PIGZ: variants seen among roughly 807,000 people sequenced by gnomAD.
PIGZ encodes phosphatidylinositol glycan anchor biosynthesis class Z (Gwada blood group).
Under a neutral mutation model 16.4 loss-of-function variants are expected in PIGZ, and 16 were observed. The ratio of observed to expected loss-of-function variants is 0.97; its 90% confidence interval spans 0.66 to 1.48. The LOEUF (loss-of-function observed/expected upper bound fraction) is 1.48, where lower values mean the gene tolerates loss of function less well. PIGZ is among the 40% of genes most tolerant of loss of function. The pLI is 0.00. For synonymous variants in PIGZ, 409 were observed against 338.4 expected, an observed-to-expected ratio of 1.21 and a Z score of -2.29; for missense variants, 770 against 739.2, an observed-to-expected ratio of 1.04 and a Z score of -0.48.
intron 1 of PIGZ, among the ~76,000 whole-genome samples, chr3:196,964,044 T>TTTTATTTA (rs565540080): frequency 6.6e-6 from 1 of 151,252 alleles, no homozygotes; most frequent in Non-Finnish European, 1.5e-5. Flanking sequence ...TTATTTTTAT[T>TTTTATTTA]TTTATTTATT....
At position 196,948,447 on chromosome 3, in the gene PIGZ, C is replaced by T. The variant is rs200731284; in HGVS notation, c.450G>A (p.Pro150=). 76 of 1,614,100 alleles carry T rather than the reference C, an allele frequency of 4.7e-5. No individual in the cohort carries two copies. The East Asian group carries it at 1.0e-3, about 22-fold the overall frequency. The part of the protein sequence containing the change: ...LDGAVYHLAP[P]MGADRWNALA... ...GGGCGTTCCAGCGATCCGCCCCCATCGGCGGGGCCAGGTGGTACACGGCCC... is the reference window on the plus strand; with the variant it reads ...GGGCGTTCCAGCGATCCGCCCCCATTGGCGGGGCCAGGTGGTACACGGCCC... The change falls in exon 3 of 3, where the codon CCG becomes CCA. Residue 150 remains proline, a synonymous_variant. Transcript: ENST00000412723.
At position 196,946,791 on chromosome 3, in the gene PIGZ, G is replaced by T. The variant is rs757649190; in HGVS notation, c.*366C>A. On this transcript the variant is annotated 3_prime_UTR_variant, in exon 3 of 3. Coordinates refer to ENST00000412723, the MANE Select transcript of PIGZ (RefSeq NM_025163.4). ...AAGGGTAAGGCATCATGGGAGGTTT[G>T]GGAGAGGTCATTGAGGAATGTCACT... The T allele has an allele frequency of 5.3e-6, 1 of 187,810 alleles. No individual in the cohort carries two copies. Among genetic ancestry groups the T allele is most frequent in the South Asian group, 1.5e-4 (1 of 6,734 alleles). 11.6% of individuals were successfully genotyped at this position (187,810 alleles called of 1,614,324 possible). A position where few individuals can be genotyped will look rare whatever the true frequency, so the allele number is the denominator to read the frequency against.
Position 196,948,106 on chromosome 3 carries a change from C to G in PIGZ, c.791G>C (p.Gly264Ala). 7 of 1,595,238 alleles carry G rather than the reference C, an allele frequency of 4.4e-6. No homozygotes were observed. The highest frequency in any genetic ancestry group is 6.0e-6 in the Non-Finnish European group (7 of 1,168,656). ...LTREALVLLP[G>A]AALTAAVFVA... ...AAACACCGCTGCTGTGAGGGCTGCC[C>G]CAGGGAGCAGCACCAGGGCCTCCCG... Residue 264 changes from glycine (G) to alanine (A), a missense_variant, in exon 3 of 3, where the codon GGG becomes GCG. Transcript: ENST00000412723.
At chr3:196,950,799 C>CA in intron 2 of PIGZ, among the ~76,000 whole-genome samples, 1 of 149,436 alleles carries the variant, frequency 6.7e-6, no homozygotes, top group South Asian at 2.1e-4. Context: ...GGCTGAAGTG[C>CA]AGTGGCACAA....
chr3:196,948,825 C>T (rs1194155399), intron 2 of PIGZ, 140 bp from the exon 3 acceptor site: 1 of 438,564 alleles, frequency 2.3e-6, no homozygotes, highest in East Asian at 3.5e-5. Flanking sequence ...CTGGATTTTT[C>T]CTCCCTTCCC....
In PIGZ at chr3:196,947,747, A is replaced by G. The variant is rs1188710924; in HGVS notation, c.1150T>C (p.Phe384Leu). The change falls in exon 3 of 3, where the codon TTT becomes CTT. Residue 384 changes from phenylalanine to leucine, a missense_variant. Physicochemically the swap from Phe to Leu is conservative, Grantham distance 22. Transcript: ENST00000412723. The part of the protein sequence containing the change: ...YFMPLALLSA[F>L]SHQEARFLIP... ...AGGAACCGAGCCTCCTGGTGGCTAAAGGCAGATAGCAGGGCCAGAGGCATG... is the reference window on the plus strand; with the variant it reads ...AGGAACCGAGCCTCCTGGTGGCTAAGGGCAGATAGCAGGGCCAGAGGCATG... 2 of 1,612,598 alleles carry G rather than the reference A, an allele frequency of 1.2e-6. No homozygotes were observed. Among genetic ancestry groups the G allele is most frequent in the African/African-American group, 1.3e-5 (1 of 74,920 alleles).
chr3:196,948,940 TTCCTTCCCCTCCCCTCCCTTC>T lies in PIGZ; in HGVS notation c.212-276_212-256del, dbSNP rs1717111989. The stretch of plus-strand genomic sequence containing the variant: ...CTTCCCTTCCTTCCCTTTACTTCCC[TTCCTTCCCCTCCCCTCCCTTC>T]CTTCCCTTCCCCTCCCCTCCCTTCC... On this transcript the variant is annotated intron_variant, in intron 2 of 2. Coordinates refer to ENST00000412723, the MANE Select transcript of PIGZ (RefSeq NM_025163.4). Among the ~76,000 whole-genome samples the T allele has an allele frequency of 8.4e-4, 10 of 11,872 alleles. 1 individual carries two copies. The highest frequency in any genetic ancestry group is 3.8e-3 in the Admixed American group (3 of 786). 7.8% of individuals were successfully genotyped at this position (11,872 alleles called of 152,430 possible). A position where few individuals can be genotyped will look rare whatever the true frequency, so the allele number is the denominator to read the frequency against.
In PIGZ at chr3:196,968,737, G is replaced by C. The variant is rs1024567157; in HGVS notation, c.-51C>G. ...CAGCGCTGGCGGCGTCCTGCCCGGC[G>C]AGGGCCAGGGTCCCAGGAGGCCCCG... On this transcript the variant is annotated 5_prime_UTR_variant, in exon 1 of 3. Transcript: ENST00000412723. 1.3e-5 allele frequency: 2 copies of C among 152,030 alleles called. No individual in the cohort carries two copies. The highest frequency in any genetic ancestry group is 1.3e-4 in the Admixed American group (2 of 15,274). 9.4% of individuals were successfully genotyped at this position (152,030 alleles called of 1,614,324 possible).
At chr3:196,955,462 G>C (rs767865464) in intron 1 of PIGZ, among the ~76,000 whole-genome samples, 1 of 150,264 alleles carries the variant, frequency 6.7e-6, no homozygotes, top group Non-Finnish European at 1.5e-5. Flanking sequence ...CTCTAGTTCT[G>C]TTTTGTCCTA....
chr3:196,948,347 G>A lies in PIGZ; in HGVS notation c.550C>T (p.Leu184Phe), dbSNP rs747028974. The A allele has an allele frequency of 6.2e-7, 1 of 1,614,194 alleles. No individual in the cohort carries two copies. Among genetic ancestry groups the A allele is most frequent in the South Asian group, 1.1e-5 (1 of 91,086 alleles). The part of the protein sequence containing the change: ...RTFSNTIEGL[L>F]FTWLLVLVSS... ...ACCAGCACCAGCAGCCACGTGAAGA[G>A]GAGTCCCTCAATGGTGTTGGAGAAG... Residue 184 changes from leucine (L) to phenylalanine (F), a missense_variant, in exon 3 of 3, where the codon CTC becomes TTC. By Grantham distance (22) the Leu-to-Phe change is conservative (BLOSUM62 0). Transcript: ENST00000412723.
In PIGZ at chr3:196,949,019, C is replaced by T. The variant is rs1240839611; in HGVS notation, c.212-334G>A. On this transcript the variant is annotated intron_variant, in intron 2 of 2. Transcript: ENST00000412723. Reference sequence around the variant, plus strand: ...CCCTTTACTTCTCTTTCCCTCCCCTCCCTTCCCTTCCTTCCCTTCCTTCCT... The same window carrying T: ...CCCTTTACTTCTCTTTCCCTCCCCTTCCTTCCCTTCCTTCCCTTCCTTCCT... Among the ~76,000 whole-genome samples, 235 of 62,394 alleles carry T rather than the reference C, an allele frequency of 3.8e-3. 40 individuals carry two copies. The highest frequency in any genetic ancestry group is 0.032 in the African/African-American group (216 of 6,820). 40.9% of individuals were successfully genotyped at this position (62,394 alleles called of 152,430 possible).
At position 196,948,979 on chromosome 3, in the gene PIGZ, T is replaced by C. The variant is rs1329562411; in HGVS notation, c.212-294A>G. 4.6e-4 allele frequency among the ~76,000 whole-genome samples: 21 copies of C among 46,132 alleles called. 1 individual carries two copies. Among genetic ancestry groups the C allele is most frequent in the Admixed American group, 8.0e-4 (3 of 3,768 alleles). The allele number at this position is 46,132 out of a possible 152,430, so 30.3% of individuals were successfully genotyped here. On this transcript the variant is annotated intron_variant, in intron 2 of 2. Coordinates refer to ENST00000412723, the MANE Select transcript of PIGZ (RefSeq NM_025163.4). The stretch of plus-strand genomic sequence containing the variant: ...CTCCCTTCCTTCCCTTCCCCTCCCC[T>C]CCCTTCCCTTCCTTCCCTTTACTTC...
At chr3:196,960,758 A>AGAAAGAAAGAAAG (rs1417400380) in intron 1 of PIGZ, among the ~76,000 whole-genome samples, 1 of 151,916 alleles carries the variant, frequency 6.6e-6, no homozygotes, top group African/African-American at 2.4e-5. Context: ...AAAGAAAGAA[A>AGAAAGAAAGAAAG]GAAAGAAAAG....
chr3:196,967,744 T>C (rs1422763194), intron 1 of PIGZ, among the ~76,000 whole-genome samples: 3 of 152,224 alleles, frequency 2.0e-5, no homozygotes, highest in African/African-American at 7.2e-5. Flanking sequence ...CTTCCTTCGG[T>C]TGCCTGAAAG....
intron 1 of PIGZ, among the ~76,000 whole-genome samples, chr3:196,963,060 G>C (rs1485206279): frequency 1.3e-5 from 2 of 152,218 alleles, no homozygotes; most frequent in Non-Finnish European, 2.9e-5. Context: ...AGTCTCTGGA[G>C]GCCTTTGTGG....
chr3:196,963,317 C>T (rs183865441), intron 1 of PIGZ, among the ~76,000 whole-genome samples: 19 of 152,284 alleles, frequency 1.2e-4, no homozygotes, highest in South Asian at 8.3e-4. Flanking sequence ...TTGGTATATA[C>T]GTAAAGTCCC....
At chr3:196,962,504 G>C (rs1045692718) in intron 1 of PIGZ, among the ~76,000 whole-genome samples, 4 of 152,124 alleles carry the variant, frequency 2.6e-5, no homozygotes, top group Admixed American at 2.0e-4. Flanking sequence ...AAAGAGGAAG[G>C]CCTCTTTGCA....
intron 1 of PIGZ, among the ~76,000 whole-genome samples, chr3:196,964,498 C>T (rs1415782022): frequency 1.3e-5 from 2 of 152,124 alleles, no homozygotes; most frequent in African/African-American, 4.8e-5. Context: ...GCTGGGACTA[C>T]AGGCACGCAT....
At chr3:196,956,564 G>A (rs1717497157) in intron 1 of PIGZ, among the ~76,000 whole-genome samples, 1 of 152,218 alleles carries the variant, frequency 6.6e-6, no homozygotes, top group Non-Finnish European at 1.5e-5. Flanking sequence ...AATTCAAGAT[G>A]AGATTTGAGT....
Sources: gnomAD v4.1 joint callset for allele counts (sites outside exome capture counted in the v4.1 genomes callset) on GRCh38, gnomAD v4.1.1 for gene constraint, MANE v1.5 for transcripts, NCBI Gene and HGNC (gene_info 2026-07-23, HGNC 2026-07-21) for gene names.